Variants in CNTN4 observed in about 807,000 individuals in gnomAD.
The protein encoded by CNTN4 is contactin 4.
A neutral mutation model predicts 122.5 loss-of-function variants in CNTN4; 77 were observed. That is an observed-to-expected ratio of 0.63 (90% CI 0.52 to 0.76). The LOEUF is 0.76. CNTN4 is among the 30% of genes least tolerant of loss of function. CNTN4 has a pLI of 0.00. For synonymous variants in CNTN4, 512 were observed against 447.0 expected (o/e 1.15, Z -1.83); for missense variants, 1,256 against 1,259.1 (o/e 1.00, Z 0.04).
At chr3:2,808,734 T>C (rs1423028250) in intron 6 of CNTN4, among the ~76,000 whole-genome samples, 2 of 152,192 alleles carry the variant, frequency 1.3e-5, no homozygotes, top group Admixed American at 6.5e-5. Flanking sequence ...TTGATTACAT[T>C]CCAATTTTAA....
intron 4 of CNTN4, among the ~76,000 whole-genome samples, chr3:2,636,886 A>C (rs923577533): frequency 7.0e-6 from 1 of 143,738 alleles, no homozygotes; most frequent in Non-Finnish European, 1.5e-5. Flanking sequence ...ATTATAGTGC[A>C]TAGTTTCCAT....
At chr3:2,707,305 C>CAA (rs368979927) in intron 4 of CNTN4, among the ~76,000 whole-genome samples, 92 of 138,796 alleles carry the variant, frequency 6.6e-4, no homozygotes, top group African/African-American at 2.2e-3. Context: ...GACCATGTCT[C>CAA]AAAAAAAAAA....
intron 2 of CNTN4, among the ~76,000 whole-genome samples, chr3:2,279,812 A>T (rs2041650826): frequency 6.6e-6 from 1 of 151,448 alleles, no homozygotes; most frequent in Non-Finnish European, 1.5e-5. Flanking sequence ...AAATTCTCAC[A>T]ATTCTGTGTA....
At chr3:2,677,606 AAG>A (rs1431786213) in intron 4 of CNTN4, among the ~76,000 whole-genome samples, 4 of 152,002 alleles carry the variant, frequency 2.6e-5, no homozygotes, top group Non-Finnish European at 2.9e-5. Flanking sequence ...AGTCTTCATA[AAG>A]AGAGGTTGAA....
chr3:2,138,167 A>G (rs1329311162), intron 2 of CNTN4, among the ~76,000 whole-genome samples: 1 of 151,712 alleles, frequency 6.6e-6, no homozygotes, highest in Non-Finnish European at 1.5e-5. Context: ...CCCGGGTTCA[A>G]GTGATTCTCC....
At chr3:2,598,243 G>A (rs2080865510) in intron 4 of CNTN4, among the ~76,000 whole-genome samples, 1 of 152,094 alleles carries the variant, frequency 6.6e-6, no homozygotes, top group Admixed American at 6.6e-5. Flanking sequence ...TCCTATCACT[G>A]AGCCCAGTTG....
chr3:2,427,524 G>T (rs959676591), intron 3 of CNTN4, among the ~76,000 whole-genome samples: 2 of 152,292 alleles, frequency 1.3e-5, no homozygotes, highest in South Asian at 2.1e-4. Flanking sequence ...AGTGTGATGT[G>T]GTGCTGAGAA....
At chr3:2,678,808 G>A (rs972469984) in intron 4 of CNTN4, among the ~76,000 whole-genome samples, 2 of 152,106 alleles carry the variant, frequency 1.3e-5, no homozygotes, top group South Asian at 4.1e-4. Context: ...TACGAAGCAG[G>A]CCCACATTAA....
intron 3 of CNTN4, among the ~76,000 whole-genome samples, chr3:2,421,534 T>G (rs1330689972): frequency 6.6e-6 from 1 of 152,140 alleles, no homozygotes; most frequent in Non-Finnish European, 1.5e-5. Flanking sequence ...TTACAGATGT[T>G]AGCCACCGCT....
chr3:2,905,373 C>T (rs374323949), intron 12 of CNTN4, among the ~76,000 whole-genome samples: 8 of 152,308 alleles, frequency 5.3e-5, no homozygotes, highest in South Asian at 2.1e-4. Flanking sequence ...GGCCGGGTTC[C>T]GGTGAAGTCC....
At chr3:2,255,488 C>T (rs1016666036) in intron 2 of CNTN4, among the ~76,000 whole-genome samples, 35 of 152,142 alleles carry the variant, frequency 2.3e-4, no homozygotes, top group African/African-American at 8.4e-4. Flanking sequence ...ATACATTTTT[C>T]TCAGCACCAC....
chr3:2,642,601 G>A (rs1343270527), intron 4 of CNTN4, among the ~76,000 whole-genome samples: 2 of 152,098 alleles, frequency 1.3e-5, no homozygotes, highest in Admixed American at 6.6e-5. Context: ...TGTGTATACA[G>A]AAACAGGTAT....
intron 9 of CNTN4, among the ~76,000 whole-genome samples, chr3:2,886,261 G>A (rs1239424653): frequency 6.6e-6 from 1 of 151,632 alleles, no homozygotes; most frequent in Non-Finnish European, 1.5e-5. Context: ...GCTAGGCATG[G>A]TGGCGGGCGC....
chr3:2,933,177 G>A (rs1205649937), intron 13 of CNTN4, among the ~76,000 whole-genome samples: 4 of 152,102 alleles, frequency 2.6e-5, no homozygotes, highest in Non-Finnish European at 4.4e-5. Flanking sequence ...TACATTTTAC[G>A]TGTGAAAAGA....
chr3:2,857,210 C>T (rs79481615), intron 7 of CNTN4, among the ~76,000 whole-genome samples: 1 of 152,278 alleles, frequency 6.6e-6, no homozygotes, highest in Admixed American at 6.5e-5. Context: ...TTCTGTTCTC[C>T]TGCTACTTGA....
chr3:2,267,874 G>A (rs180936612), intron 2 of CNTN4, among the ~76,000 whole-genome samples: 4 of 151,672 alleles, frequency 2.6e-5, no homozygotes, highest in Admixed American at 2.6e-4. Flanking sequence ...ATATGTAACA[G>A]TCCTTAAATA....
chr3:2,216,845 T>C (rs998388078), intron 2 of CNTN4, among the ~76,000 whole-genome samples: 38 of 152,184 alleles, frequency 2.5e-4, no homozygotes, highest in African/African-American at 8.4e-4. Flanking sequence ...CTCAGTCTTA[T>C]CAACTTTTCT....
intron 4 of CNTN4, among the ~76,000 whole-genome samples, chr3:2,665,805 A>G (rs2084125808): frequency 1.3e-5 from 2 of 152,164 alleles, no homozygotes; most frequent in African/African-American, 2.4e-5. Context: ...ATATGAGAAA[A>G]AATATGGGGT....
At chr3:2,421,590 C>T (rs1366830196) in intron 3 of CNTN4, among the ~76,000 whole-genome samples, 1 of 152,068 alleles carries the variant, frequency 6.6e-6, no homozygotes. Context: ...CTTTTTTCTT[C>T]TCTGTTGTAG....
Sources: gnomAD v4.1 joint callset for allele counts (sites outside exome capture counted in the v4.1 genomes callset) on GRCh38, gnomAD v4.1.1 for gene constraint, MANE v1.5 for transcripts, NCBI Gene and HGNC (gene_info 2026-07-23, HGNC 2026-07-21) for gene names.